FAM120A: variants seen among roughly 807,000 people sequenced by gnomAD.
The protein encoded by FAM120A is constitutive coactivator of PPAR-gamma-like protein 1.
A neutral mutation model predicts 109.7 loss-of-function variants in FAM120A; 15 were observed. The observed-to-expected ratio is 0.14, with a 90% confidence interval of 0.09 to 0.21. FAM120A has a LOEUF of 0.21. Among genes scored for constraint, FAM120A ranks in the 10% least tolerant of loss-of-function variants. FAM120A has a pLI of 1.00. For missense variants in FAM120A, 899 were observed against 1,439.3 expected (o/e 0.62, Z 6.07); for synonymous variants, 493 against 572.8 (o/e 0.86, Z 1.99).
At position 93,452,867 on chromosome 9, in the gene FAM120A, A is replaced by AT. The variant is rs1857335643; in HGVS notation, c.474+479dup. 2 of 1,466,968 alleles carry AT rather than the reference A, an allele frequency of 1.4e-6. No homozygotes were observed. Among genetic ancestry groups the AT allele is most frequent in the African/African-American group, 2.8e-5 (2 of 70,236 alleles). The allele number at this position is 1,466,968 out of a possible 1,614,324, so 90.9% of individuals were successfully genotyped here. A position where few individuals can be genotyped will look rare whatever the true frequency, so the allele number is the denominator to read the frequency against. On this transcript the variant is annotated intron_variant, in intron 1 of 17. Transcript: ENST00000277165. This position sits in a 1 kb window ranked among gnomAD's most constrained non-coding sequence, Gnocchi z 7.0. The stretch of plus-strand genomic sequence containing the variant: ...TCGCCAGAGCCCTTGGGGGCTGCAA[A>AT]TATCAGTGCTGCTGCCGCCGCCCTT...
intron 1 of FAM120A, among the ~76,000 whole-genome samples, chr9:93,469,454 T>C (rs1858209486): frequency 6.6e-6 from 1 of 152,204 alleles, no homozygotes; most frequent in African/African-American, 2.4e-5. Flanking sequence ...CAGACTTAAC[T>C]ATTAAAGATG....
intron 3 of FAM120A, among the ~76,000 whole-genome samples, chr9:93,489,034 C>G (rs962328118): frequency 1.3e-5 from 2 of 149,236 alleles, no homozygotes; most frequent in African/African-American, 4.9e-5. Context: ...AGTTGGAAGA[C>G]TACTGTTGTG....
chr9:93,503,498 C>T (rs571161438), intron 5 of FAM120A, among the ~76,000 whole-genome samples: 3 of 152,112 alleles, frequency 2.0e-5, no homozygotes, highest in Admixed American at 6.5e-5. Flanking sequence ...ACATACTGTG[C>T]GATTCCAACT....
intron 1 of FAM120A, among the ~76,000 whole-genome samples, chr9:93,464,076 G>T (rs545463918): frequency 6.6e-6 from 1 of 152,306 alleles, no homozygotes; most frequent in East Asian, 1.9e-4. Context: ...CACCTACCTG[G>T]TGCCAGAGAC....
intron 3 of FAM120A, among the ~76,000 whole-genome samples, chr9:93,494,420 C>T (rs1447456653): frequency 2.0e-5 from 3 of 152,196 alleles, no homozygotes; most frequent in Non-Finnish European, 2.9e-5. Flanking sequence ...CCATCCTGCA[C>T]GTGGTTTCTA....
At chr9:93,544,189 A>C (rs367611744) in intron 11 of FAM120A, among the ~76,000 whole-genome samples, 1 of 152,012 alleles carries the variant, frequency 6.6e-6, no homozygotes, top group African/African-American at 2.4e-5. Context: ...TATCCTTGGG[A>C]GCTGTCTTAG....
intron 3 of FAM120A, among the ~76,000 whole-genome samples, chr9:93,481,879 C>T (rs1858826758): frequency 6.6e-6 from 1 of 152,142 alleles, no homozygotes; most frequent in South Asian, 2.1e-4. Flanking sequence ...TATCCTAGGG[C>T]CAGGCTGGGT....
rs755481868 is a variant in FAM120A, at chr9:93,564,247, G to T, written c.3064G>T (p.Ala1022Ser). ...AAIQGRPPYA[A>S]SAEEVAKELK... ...TAAACAGGGCAGACCTCCTTATGCT[G>T]CTTCAGCAGAAGAAGTGGCCAAAGA... The change falls in exon 18 of 18, where the codon GCT becomes TCT. Residue 1022 changes from alanine to serine, a missense_variant. Ala to Ser is a moderately conservative substitution (Grantham distance 99). Around this residue, in one of 11 missense-constraint regions of FAM120A, gnomAD observed 170 missense variants for 205.0 expected, o/e 0.83. Coordinates refer to ENST00000277165, the MANE Select transcript of FAM120A (RefSeq NM_014612.5). The T allele has an allele frequency of 7.4e-6, 12 of 1,612,572 alleles. No homozygotes were observed. The highest frequency in any genetic ancestry group is 9.3e-6 in the Non-Finnish European group (11 of 1,178,738).
intron 11 of FAM120A, among the ~76,000 whole-genome samples, chr9:93,548,785 G>A (rs1861988169): frequency 6.6e-6 from 1 of 152,194 alleles, no homozygotes; most frequent in African/African-American, 2.4e-5. Context: ...GCTCACGCCT[G>A]TAATCCCAGC....
In FAM120A at chr9:93,543,421, C is replaced by G; in HGVS notation, c.2109C>G (p.Leu703=). The change falls in exon 11 of 18, where the codon CTC becomes CTG. Residue 703 remains leucine (L), a synonymous_variant. Coordinates refer to ENST00000277165, the MANE Select transcript of FAM120A (RefSeq NM_014612.5). ...ACMRSDTPAM[L]NPANVPTHLM... is the part of the protein sequence containing the mutation. ...TGAGGTCGGACACCCCAGCCATGCT[C>G]AACCCTGCCAACGTGCCCACTCACC... The G allele has an allele frequency of 6.2e-7, 1 of 1,614,154 alleles. No individual in the cohort carries two copies. The highest frequency in any genetic ancestry group is 2.2e-5 in the East Asian group (1 of 44,870).
rs1214450348 is a variant in FAM120A at position 93,550,655 on chromosome 9, C to T, written c.2238C>T (p.Pro746=). Residue 746 remains proline (P), a synonymous_variant, in exon 12 of 18, where the codon CCC becomes CCT. Transcript: ENST00000277165. ...LDAFLAQALS[P]KLYEPDQLQE... Reference sequence around the variant, plus strand: ...CCTTCCTGGCTCAGGCGCTGTCCCCCAAACTCTACGAGCCTGATCAGCTCC... The same window carrying T: ...CCTTCCTGGCTCAGGCGCTGTCCCCTAAACTCTACGAGCCTGATCAGCTCC... 1 of 1,613,946 alleles carries T rather than the reference C, an allele frequency of 6.2e-7. No individual in the cohort carries two copies. The highest frequency in any genetic ancestry group is 1.1e-5 in the South Asian group (1 of 91,080).
At chr9:93,540,568 C>T (rs1861657736) in intron 10 of FAM120A, among the ~76,000 whole-genome samples, 1 of 152,136 alleles carries the variant, frequency 6.6e-6, no homozygotes, top group African/African-American at 2.4e-5. Context: ...CAGCAAGAGT[C>T]CAGTTTCGGC....
At position 93,564,621 on chromosome 9, in the gene FAM120A, T is replaced by C. The variant is rs1862579162; in HGVS notation, c.*81T>C. The C allele has an allele frequency of 2.5e-6, 3 of 1,193,424 alleles. No homozygotes were observed. Among genetic ancestry groups the C allele is most frequent in the East Asian group, 2.4e-5 (1 of 41,132 alleles). 73.9% of individuals were successfully genotyped at this position (1,193,424 alleles called of 1,614,324 possible). On this transcript the variant is annotated 3_prime_UTR_variant, in exon 18 of 18. Transcript: ENST00000277165. ...TGGAGAGAAAGAGAGCCTGCAGTTA[T>C]GTACATTTTGTCCTTTCCGTAAGAG...
At chr9:93,528,568 G>C (rs1861184445) in intron 8 of FAM120A, among the ~76,000 whole-genome samples, 1 of 152,158 alleles carries the variant, frequency 6.6e-6, no homozygotes, top group South Asian at 2.1e-4. Flanking sequence ...CTGGGGACCA[G>C]ACTCTTTCCT....
Position 93,459,251 on chromosome 9 carries a change from G to A in FAM120A, c.474+6862G>A, listed in dbSNP as rs373642444. Among the ~76,000 whole-genome samples, 36 of 152,306 alleles carry A rather than the reference G, an allele frequency of 2.4e-4. 1 individual carries two copies. Among genetic ancestry groups the A allele is most frequent in the East Asian group, 5.8e-4 (3 of 5,194 alleles). Reference sequence around the variant, plus strand: ...GCATATTTACCTCCCCCAGCCACCCGTAGGCTCCTTGAGGCCAGGGACTGT... The same window carrying A: ...GCATATTTACCTCCCCCAGCCACCCATAGGCTCCTTGAGGCCAGGGACTGT... On this transcript the variant is annotated intron_variant, in intron 1 of 17. Coordinates refer to ENST00000277165, the MANE Select transcript of FAM120A (RefSeq NM_014612.5).
chr9:93,550,528 C>A (rs748072275), intron 11 of FAM120A, 49 bp from the exon 12 acceptor site: 2 of 1,415,384 alleles, frequency 1.4e-6, no homozygotes, highest in Non-Finnish European at 1.0e-6. Context: ...GTCTATATGA[C>A]GGGCGACCAC....
chr9:93,512,714 G>A (rs542121145), intron 5 of FAM120A, among the ~76,000 whole-genome samples: 61 of 152,328 alleles, frequency 4.0e-4, no homozygotes, highest in Non-Finnish European at 2.8e-4. Context: ...AACAAGAACC[G>A]ATATAGACGA....
chr9:93,526,038 T>TGTCATGTGA (rs1201372810), intron 7 of FAM120A, among the ~76,000 whole-genome samples: 1 of 152,270 alleles, frequency 6.6e-6, no homozygotes, highest in African/African-American at 2.4e-5. Context: ...CCTCTCCATC[T>TGTCATGTGA]GTCATGTGAG....
intron 2 of FAM120A, among the ~76,000 whole-genome samples, chr9:93,472,253 T>C (rs1052740376): frequency 6.6e-6 from 1 of 151,900 alleles, no homozygotes; most frequent in Non-Finnish European, 1.5e-5. Flanking sequence ...GAGTGAGACT[T>C]TGTCTCCAAA....
Sources: allele counts gnomAD v4.1 joint callset (sites outside exome capture counted in the v4.1 genomes callset), GRCh38; gene constraint gnomAD v4.1.1; regional missense constraint gnomAD v4.1.1; non-coding constraint Gnocchi (gnomAD v3.1); transcripts MANE v1.5; gene names NCBI Gene and HGNC (gene_info 2026-07-23, HGNC 2026-07-21).